Variants in PTPRT observed in about 807,000 individuals in gnomAD.
PTPRT encodes protein tyrosine phosphatase receptor type T.
A neutral mutation model predicts 176.8 loss-of-function variants in PTPRT; 56 were observed. The observed-to-expected ratio is 0.32, with a 90% CI of 0.26 to 0.40. The LOEUF is 0.40. Ranked by LOEUF, PTPRT falls within the 10% of genes least tolerant of loss-of-function variation. The probability of loss-of-function intolerance (pLI) is 1.00; values close to 1 mark genes in which losing one functional copy is unlikely to be tolerated. For synonymous variants in PTPRT, 783 were observed against 739.0 expected, an observed-to-expected ratio of 1.06 and a Z score of -0.96; for missense variants, 1,540 against 1,908.2, an observed-to-expected ratio of 0.81 and a Z score of 3.60.
At chr20:42,976,090 A>C (rs933430369) in intron 1 of PTPRT, among the ~76,000 whole-genome samples, 3 of 152,202 alleles carry the variant, frequency 2.0e-5, no homozygotes, top group Non-Finnish European at 4.4e-5. Context: ...AACCTTGCTC[A>C]AGGTCACAAA....
chr20:42,644,467 C>T (rs2074840589), intron 7 of PTPRT, among the ~76,000 whole-genome samples: 2 of 152,282 alleles, frequency 1.3e-5, no homozygotes, highest in South Asian at 4.2e-4. Flanking sequence ...TGTCTATGTT[C>T]ATGCCCCTTC....
At chr20:42,940,429 A>G (rs1980465439) in intron 1 of PTPRT, among the ~76,000 whole-genome samples, 1 of 152,222 alleles carries the variant, frequency 6.6e-6, no homozygotes. Flanking sequence ...CAAGAGAGAT[A>G]AAAACTGATG....
intron 9 of PTPRT, among the ~76,000 whole-genome samples, chr20:42,439,985 C>A (rs2059297707): frequency 6.6e-6 from 1 of 152,192 alleles, no homozygotes; most frequent in South Asian, 2.1e-4. Context: ...CAACTCACTG[C>A]AACCTCTGAC....
chr20:42,294,300 T>C lies in PTPRT; in HGVS notation c.2140-11775A>G, dbSNP rs1312093318. 2.6e-5 allele frequency among the ~76,000 whole-genome samples: 4 copies of C among 152,064 alleles called. No individual in the cohort carries two copies. The East Asian group carries it at 7.7e-4, about 29-fold the overall frequency. Reference sequence around the variant, plus strand: ...TACAGGAAAAGGACTTGAAAGAACATGTGACTCAAGGTGGTAGTGTTCAAC... The same window carrying C: ...TACAGGAAAAGGACTTGAAAGAACACGTGACTCAAGGTGGTAGTGTTCAAC... On this transcript the variant is annotated intron_variant, in intron 12 of 30. Coordinates refer to ENST00000373187, the MANE Select transcript of PTPRT (RefSeq NM_007050.6).
chr20:42,541,858 A>G (rs1479991116), intron 7 of PTPRT, among the ~76,000 whole-genome samples: 4 of 151,228 alleles, frequency 2.6e-5, no homozygotes, highest in Non-Finnish European at 5.9e-5. Context: ...TTTTAAAAAA[A>G]TCTGTGTGGC....
chr20:42,479,631 A>T (rs2071349957), intron 7 of PTPRT, among the ~76,000 whole-genome samples: 1 of 152,226 alleles, frequency 6.6e-6, no homozygotes, highest in South Asian at 2.1e-4. Flanking sequence ...GGTGGACAAG[A>T]ATTTGTTGAA....
chr20:42,656,353 C>G (rs1315277370), intron 7 of PTPRT, among the ~76,000 whole-genome samples: 1 of 152,072 alleles, frequency 6.6e-6, no homozygotes, highest in Non-Finnish European at 1.5e-5. Flanking sequence ...TGTGTTAACG[C>G]CAGTAAGGGA....
At chr20:42,392,306 G>A (rs2058807483) in intron 9 of PTPRT, among the ~76,000 whole-genome samples, 1 of 152,058 alleles carries the variant, frequency 6.6e-6, no homozygotes, top group Non-Finnish European at 1.5e-5. Context: ...AAAGGTAAGA[G>A]GGCTATTAGC....
chr20:42,433,271 T>A (rs2059231622), intron 9 of PTPRT, among the ~76,000 whole-genome samples: 1 of 152,284 alleles, frequency 6.6e-6, no homozygotes, highest in African/African-American at 2.4e-5. Flanking sequence ...GATTGGAAAC[T>A]GCAACATGCT....
intron 7 of PTPRT, among the ~76,000 whole-genome samples, chr20:42,529,296 A>G (rs2072334463): frequency 6.6e-6 from 1 of 152,170 alleles, no homozygotes; most frequent in South Asian, 2.1e-4. Context: ...TAAAAGTCCC[A>G]GTGAATAGTA....
chr20:42,486,801 TC>T lies in PTPRT; in HGVS notation c.1154-14240del, dbSNP rs534793233. On this transcript the variant is annotated intron_variant, in intron 7 of 30. Transcript: ENST00000373187. ...CGGTAGCCCCTCAGAGTAAGTTCTT[TC>T]CATGATGAATGCACCAGAGCCGAGC... Among the ~76,000 whole-genome samples the T allele has an allele frequency of 2.0e-4, 31 of 152,196 alleles. 1 individual carries two copies. In the South Asian group the frequency reaches 6.4e-3, roughly 32 times the overall value.
At chr20:42,713,495 T>G (rs189082324) in intron 6 of PTPRT, among the ~76,000 whole-genome samples, 3 of 152,316 alleles carry the variant, frequency 2.0e-5, no homozygotes, top group Admixed American at 2.0e-4. Flanking sequence ...TACATTGTAT[T>G]ATCTGCCTTC....
At position 42,461,703 on chromosome 20, in the gene PTPRT, T is replaced by C. The variant is rs561368248; in HGVS notation, c.1450+10563A>G. 2.6e-5 allele frequency among the ~76,000 whole-genome samples: 4 copies of C among 152,304 alleles called. No individual in the cohort carries two copies. In the South Asian group the frequency reaches 8.3e-4, roughly 32 times the overall value. On this transcript the variant is annotated intron_variant, in intron 8 of 30. Transcript: ENST00000373187. Reference sequence around the variant, plus strand: ...GATCTGACTTTCTGAGTAATGACTATTGGATTTGGTGACTTGAAGGTCATA... The same window carrying C: ...GATCTGACTTTCTGAGTAATGACTACTGGATTTGGTGACTTGAAGGTCATA...
At chr20:42,790,331 A>G (rs2077355501) in intron 3 of PTPRT, among the ~76,000 whole-genome samples, 2 of 152,084 alleles carry the variant, frequency 1.3e-5, no homozygotes, top group Admixed American at 1.3e-4. Flanking sequence ...CGCTGTGTGC[A>G]TCAGTTCGCA....
At chr20:42,577,350 G>A (rs2073278422) in intron 7 of PTPRT, among the ~76,000 whole-genome samples, 1 of 152,106 alleles carries the variant, frequency 6.6e-6, no homozygotes, top group Non-Finnish European at 1.5e-5. Flanking sequence ...AAACCTGGTG[G>A]GAGGGATACA....
chr20:43,025,625 G>A (rs1478950550), intron 1 of PTPRT, among the ~76,000 whole-genome samples: 1 of 152,158 alleles, frequency 6.6e-6, no homozygotes. Context: ...ATAATTCACA[G>A]TATTTTTAGA....
At chr20:42,150,331 G>A (rs1442844543) in intron 17 of PTPRT, among the ~76,000 whole-genome samples, 1 of 152,154 alleles carries the variant, frequency 6.6e-6, no homozygotes, top group Admixed American at 6.5e-5. Context: ...TTGCTTGACT[G>A]TATCCCTGGA....
chr20:42,219,804 C>T (rs1314621596), intron 15 of PTPRT, among the ~76,000 whole-genome samples: 1 of 152,154 alleles, frequency 6.6e-6, no homozygotes, highest in Non-Finnish European at 1.5e-5. Context: ...GACAGCTTAA[C>T]TATCACATGG....
At chr20:43,187,889 A>C (rs528131008) in intron 1 of PTPRT, among the ~76,000 whole-genome samples, 2 of 152,384 alleles carry the variant, frequency 1.3e-5, no homozygotes, top group East Asian at 3.9e-4. Context: ...ATATGAAAGC[A>C]ACCAGATTTG....
Sources: gnomAD v4.1 joint callset for allele counts (sites outside exome capture counted in the v4.1 genomes callset) on GRCh38, gnomAD v4.1.1 for gene constraint, MANE v1.5 for transcripts, NCBI Gene and HGNC (gene_info 2026-07-23, HGNC 2026-07-21) for gene names.